RAP1B: variants seen among roughly 807,000 people sequenced by gnomAD.
RAP1B encodes ras-related protein Rap-1b.
RAP1B carries 1 observed loss-of-function variant against 27.5 expected under a neutral mutation model. The observed-to-expected ratio is 0.04, with a 90% confidence interval of 0.01 to 0.17. The LOEUF is 0.17. RAP1B is among the 10% of genes least tolerant of loss of function. RAP1B has a pLI of 1.00. For synonymous variants in RAP1B, 75 were observed against 73.1 expected (o/e 1.03, Z -0.13); for missense variants, 84 against 214.8 (o/e 0.39, Z 3.81).
rs1224584370 is a variant in RAP1B, at chr12:68,670,831, C to T, written c.*11582C>T. On this transcript the variant is annotated 3_prime_UTR_variant, in exon 8 of 8. Coordinates refer to ENST00000250559, the MANE Select transcript of RAP1B (RefSeq NM_001010942.3). ...ATCACCTGAGGTCAGGAGTTTGAGA[C>T]TAGCCTGGCCAACGTGGAGAAACCC... 1 of 152,098 alleles carries T rather than the reference C, an allele frequency of 6.6e-6. No homozygotes were observed. Among genetic ancestry groups the T allele is most frequent in the African/African-American group, 2.4e-5 (1 of 41,388 alleles). 9.4% of individuals were successfully genotyped at this position (152,098 alleles called of 1,614,324 possible).
At chr12:68,626,716 C>T (rs1871805856) in intron 1 of RAP1B, among the ~76,000 whole-genome samples, 1 of 151,594 alleles carries the variant, frequency 6.6e-6, no homozygotes, top group African/African-American at 2.4e-5. Context: ...CCTAATATTT[C>T]TGGTCTCGGG....
At chr12:68,652,979 G>A (rs1274983654) in intron 4 of RAP1B, among the ~76,000 whole-genome samples, 3 of 152,092 alleles carry the variant, frequency 2.0e-5, no homozygotes, top group Admixed American at 2.0e-4. Context: ...GGAGGTCAAA[G>A]GGGGGTGGAT....
chr12:68,659,451 T>A lies in RAP1B; in HGVS notation c.*202T>A, dbSNP rs1371617206. 1 of 365,888 alleles carries A rather than the reference T, an allele frequency of 2.7e-6. No individual in the cohort carries two copies. Among genetic ancestry groups the A allele is most frequent in the African/African-American group, 2.1e-5 (1 of 46,742 alleles). 22.7% of individuals were successfully genotyped at this position (365,888 alleles called of 1,614,324 possible). A position where few individuals can be genotyped will look rare whatever the true frequency, so the allele number is the denominator to read the frequency against. ...CAGTATCACAAGAGAGATTTTTACT[T>A]ATATAATAGTCCTAGAGTTTGCAGC... On this transcript the variant is annotated 3_prime_UTR_variant, in exon 8 of 8. Transcript: ENST00000250559.
At chr12:68,642,325 C>T (rs116186197) in intron 1 of RAP1B, among the ~76,000 whole-genome samples, 240 of 151,530 alleles carry the variant, frequency 1.6e-3, no homozygotes, top group African/African-American at 4.1e-3. Flanking sequence ...GAAATTCAAG[C>T]GAGAATGATA....
chr12:68,634,348 A>G (rs1872482554), intron 1 of RAP1B, among the ~76,000 whole-genome samples: 1 of 152,246 alleles, frequency 6.6e-6, no homozygotes, highest in South Asian at 2.1e-4. Context: ...GTTTAAAATA[A>G]CGAGACCAAA....
In RAP1B at chr12:68,660,887, G is replaced by A. The variant is rs775322686; in HGVS notation, c.*1638G>A. Reference sequence around the variant, plus strand: ...ACACTATGGATTTTTTAAAATACAGGATTGAAGTTAGAATATTGTGGTTAT... The same window carrying A: ...ACACTATGGATTTTTTAAAATACAGAATTGAAGTTAGAATATTGTGGTTAT... On this transcript the variant is annotated 3_prime_UTR_variant, in exon 8 of 8. Coordinates refer to ENST00000250559, the MANE Select transcript of RAP1B (RefSeq NM_001010942.3). 1.7e-4 allele frequency: 26 copies of A among 152,160 alleles called. No homozygotes were observed. Among genetic ancestry groups the A allele is most frequent in the Non-Finnish European group, 2.2e-4 (15 of 68,018 alleles). The allele number at this position is 152,160 out of a possible 1,614,324, so 9.4% of individuals were successfully genotyped here.
intron 1 of RAP1B, 25 bp from the exon 2 acceptor site, chr12:68,648,672 TTC>T (rs2135958850): frequency 2.0e-6 from 3 of 1,513,942 alleles, no homozygotes; most frequent in South Asian, 2.3e-5. Flanking sequence ...TTACTTAGAA[TTC>T]TTTTTTTTTT....
intron 1 of RAP1B, among the ~76,000 whole-genome samples, chr12:68,630,724 C>G (rs1247991759): frequency 6.6e-6 from 1 of 151,892 alleles, no homozygotes; most frequent in East Asian, 1.9e-4. Flanking sequence ...GTCACCCAGG[C>G]TAGAGTGAAG....
chr12:68,612,664 G>GA lies in RAP1B; in HGVS notation c.-27+1627dup, dbSNP rs1293313140. On this transcript the variant is annotated intron_variant, in intron 1 of 7. Coordinates refer to ENST00000250559, the MANE Select transcript of RAP1B (RefSeq NM_001010942.3). ...AAGTGGGTACCTTAGTCAAATAGGA[G>GA]AAAAAACCACTTGAGTAGTTTCATC... 4.6e-5 allele frequency among the ~76,000 whole-genome samples: 7 copies of GA among 152,174 alleles called. No homozygotes were observed. In the East Asian group the frequency reaches 5.8e-4, roughly 13 times the overall value.
At chr12:68,611,078 C>G (rs2135900128) in intron 1 of RAP1B, 35 bp downstream of exon 1, 1 of 243,726 alleles carries the variant, frequency 4.1e-6, no homozygotes, top group South Asian at 1.5e-4. Flanking sequence ...CTGAGGGAAG[C>G]CGCGGCGGCG....
chr12:68,614,422 C>A (rs1464326636), intron 1 of RAP1B, among the ~76,000 whole-genome samples: 3 of 152,140 alleles, frequency 2.0e-5, no homozygotes, highest in African/African-American at 7.2e-5. Context: ...GGGTATTGAT[C>A]TGCAGTTTCT....
At chr12:68,635,570 C>T (rs1872571484) in intron 1 of RAP1B, among the ~76,000 whole-genome samples, 1 of 152,100 alleles carries the variant, frequency 6.6e-6, no homozygotes, top group South Asian at 2.1e-4. Flanking sequence ...ATTCTCCTGC[C>T]TTAGCCTCCC....
intron 1 of RAP1B, 82 bp downstream of exon 1, chr12:68,611,125 T>G (rs1870537257): frequency 6.3e-6 from 1 of 159,308 alleles, no homozygotes; most frequent in Non-Finnish European, 1.3e-5. Flanking sequence ...GGGGAGCGGG[T>G]GGGGTGCGGC....
chr12:68,652,750 G>A (rs1048131545), intron 4 of RAP1B, among the ~76,000 whole-genome samples: 6 of 151,196 alleles, frequency 4.0e-5, no homozygotes, highest in South Asian at 2.1e-4. Context: ...CCCGGGAGGC[G>A]GAGGAAGTAT....
chr12:68,618,332 C>T (rs1871167250), intron 1 of RAP1B, among the ~76,000 whole-genome samples: 1 of 152,084 alleles, frequency 6.6e-6, no homozygotes, highest in Admixed American at 6.6e-5. Flanking sequence ...TTGTGATCTG[C>T]CCGCCTCGGC....
At chr12:68,656,137 T>C (rs1017532212) in intron 5 of RAP1B, among the ~76,000 whole-genome samples, 169 bp from the exon 6 acceptor site, 1 of 152,226 alleles carries the variant, frequency 6.6e-6, no homozygotes, top group Non-Finnish European at 1.5e-5. Flanking sequence ...AATACTTATG[T>C]TTATGTTACA....
In RAP1B at chr12:68,657,006, A is replaced by G. The variant is rs543766322; in HGVS notation, c.469-95A>G. 64 of 1,024,230 alleles carry G rather than the reference A, an allele frequency of 6.2e-5. No homozygotes were observed. The East Asian group carries it at 1.4e-3, about 22-fold the overall frequency. The allele number at this position is 1,024,230 out of a possible 1,614,324, so 63.4% of individuals were successfully genotyped here. A position where few individuals can be genotyped will look rare whatever the true frequency, so the allele number is the denominator to read the frequency against. Reference sequence around the variant, plus strand: ...GCTGAACAATTCTGGGCATTAATTTATATCCATGGAAATTTCTGTTTTTTC... The same window carrying G: ...GCTGAACAATTCTGGGCATTAATTTGTATCCATGGAAATTTCTGTTTTTTC... On this transcript the variant is annotated intron_variant, in intron 6 of 7. Transcript: ENST00000250559.
chr12:68,657,010 C>G, intron 6 of RAP1B, 91 bp from the exon 7 acceptor site: 1 of 1,046,586 alleles, frequency 9.6e-7, no homozygotes, highest in Admixed American at 2.0e-5. Flanking sequence ...TAATTTATAT[C>G]CATGGAAATT....
chr12:68,630,932 G>GTT (rs150971331), intron 1 of RAP1B, among the ~76,000 whole-genome samples: 1 of 146,490 alleles, frequency 6.8e-6, no homozygotes, highest in Non-Finnish European at 1.5e-5. Context: ...GCCTGAATTT[G>GTT]TTTTTTTTTT....
Sources: gnomAD v4.1 joint callset for allele counts (sites outside exome capture counted in the v4.1 genomes callset) on GRCh38, gnomAD v4.1.1 for gene constraint, MANE v1.5 for transcripts, NCBI Gene and HGNC (gene_info 2026-07-23, HGNC 2026-07-21) for gene names.